The following BCL11A variants were observed in gnomAD, a reference collection of about 807,000 sequenced individuals.
The protein encoded by BCL11A is B cell CLL/lymphoma 11A.
BCL11A carries 2 observed loss-of-function variants against 55.9 expected under a neutral mutation model. That is an observed-to-expected ratio of 0.04 (90% confidence interval 0.01 to 0.11). The LOEUF is 0.11. BCL11A is among the 10% of genes least tolerant of loss of function. BCL11A has a pLI of 1.00. For missense variants in BCL11A, 817 were observed against 1,137.1 expected, an observed-to-expected ratio of 0.72 and a Z score of 4.05; for synonymous variants, 465 against 473.4, an observed-to-expected ratio of 0.98 and a Z score of 0.23.
intron 2 of BCL11A, among the ~76,000 whole-genome samples, chr2:60,509,127 G>C (rs1052277292): frequency 6.6e-6 from 1 of 152,218 alleles, no homozygotes; most frequent in Admixed American, 6.5e-5. Flanking sequence ...GATTCAAGCT[G>C]AGAAACAAGA....
intron 2 of BCL11A, among the ~76,000 whole-genome samples, chr2:60,517,632 T>C (rs1362671042): frequency 6.6e-6 from 1 of 152,262 alleles, no homozygotes; most frequent in Admixed American, 6.5e-5. Context: ...CTCTGGCTCC[T>C]GCTGGCCATG....
At chr2:60,473,550 G>A (rs934373527) in intron 2 of BCL11A, among the ~76,000 whole-genome samples, 3 of 152,130 alleles carry the variant, frequency 2.0e-5, no homozygotes, top group Admixed American at 6.5e-5. Flanking sequence ...TTCTGAATCC[G>A]ATTACTAGGT....
At chr2:60,476,300 T>A (rs1677593654) in intron 2 of BCL11A, among the ~76,000 whole-genome samples, 1 of 152,226 alleles carries the variant, frequency 6.6e-6, no homozygotes. Context: ...AACCTAGGTG[T>A]GTCCTGAGCC....
chr2:60,454,558 A>T (rs189466670), downstream of BCL11A, among the ~76,000 whole-genome samples: 4 of 152,312 alleles, frequency 2.6e-5, no homozygotes, highest in African/African-American at 9.6e-5. Context: ...CACAGTTACA[A>T]CACAGTCATA....
At chr2:60,516,517 AC>A (rs1472681695) in intron 2 of BCL11A, among the ~76,000 whole-genome samples, 1 of 152,174 alleles carries the variant, frequency 6.6e-6, no homozygotes, top group Non-Finnish European at 1.5e-5. Context: ...GGGAGGGGGC[AC>A]CTTAGGAGAC....
In BCL11A at chr2:60,457,627, G is replaced by T; in HGVS notation, c.*2777C>A. 3 of 1,025,294 alleles carry T rather than the reference G, an allele frequency of 2.9e-6. No individual in the cohort carries two copies. The highest frequency in any genetic ancestry group is 3.5e-6 in the Non-Finnish European group (3 of 854,754). 63.5% of individuals were successfully genotyped at this position (1,025,294 alleles called of 1,614,324 possible). On this transcript the variant is annotated 3_prime_UTR_variant, in exon 4 of 4. Coordinates refer to ENST00000642384, the MANE Select transcript of BCL11A (RefSeq NM_022893.4). ...AAATTCTTTCCAATCTAAATATAAA[G>T]CACCATTTAGTTTTTGGCAATGAAA...
In BCL11A at chr2:60,516,092, T is replaced by C. The variant is rs185376092; in HGVS notation, c.385+29879A>G. On this transcript the variant is annotated intron_variant, in intron 2 of 3. Coordinates refer to ENST00000642384, the MANE Select transcript of BCL11A (RefSeq NM_022893.4). ...GGAAGCAGGGATTGAAAATCTAGCCTTGTGGCCATAAGCCTGTGATGACTC... is the reference window on the plus strand; with the variant it reads ...GGAAGCAGGGATTGAAAATCTAGCCCTGTGGCCATAAGCCTGTGATGACTC... Among the ~76,000 whole-genome samples the C allele has an allele frequency of 2.6e-5, 4 of 152,334 alleles. No individual in the cohort carries two copies. The South Asian group carries it at 6.2e-4, about 24-fold the overall frequency.
rs755328592 is a variant in BCL11A, at chr2:60,458,945, G to A, written c.*1459C>T. The A allele has an allele frequency of 4.6e-5, 48 of 1,033,932 alleles. No homozygotes were observed. Among genetic ancestry groups the A allele is most frequent in the Non-Finnish European group, 5.6e-5 (48 of 858,846 alleles). The allele number at this position is 1,033,932 out of a possible 1,614,324, so 64.0% of individuals were successfully genotyped here. On this transcript the variant is annotated 3_prime_UTR_variant, in exon 4 of 4. Coordinates refer to ENST00000642384, the MANE Select transcript of BCL11A (RefSeq NM_022893.4). ...ACACAGTGTATGGAAAAGAAATGAA[G>A]TACAACTTTTAGGGAGCACAGACAT...
rs1676090160 is a variant in BCL11A, at chr2:60,459,068, A to G, written c.*1336T>C. On this transcript the variant is annotated 3_prime_UTR_variant, in exon 4 of 4. Transcript: ENST00000642384. ...TTCATAGTTAATCATCATTGTATCA[A>G]TATTAGCTTATATACCTGTTCTAGT... 3.0e-6 allele frequency: 3 copies of G among 1,012,302 alleles called. No homozygotes were observed. Among genetic ancestry groups the G allele is most frequent in the Non-Finnish European group, 3.6e-6 (3 of 841,924 alleles). 62.7% of individuals were successfully genotyped at this position (1,012,302 alleles called of 1,614,324 possible).
chr2:60,500,698 C>T (rs1679231251), intron 2 of BCL11A, among the ~76,000 whole-genome samples: 1 of 152,144 alleles, frequency 6.6e-6, no homozygotes, highest in African/African-American at 2.4e-5. Context: ...CTGTAGGCAT[C>T]AAACCTGGAA....
intron 2 of BCL11A, among the ~76,000 whole-genome samples, chr2:60,497,082 G>A (rs1435791052): frequency 1.3e-5 from 2 of 152,176 alleles, no homozygotes; most frequent in East Asian, 1.9e-4. Context: ...GGAGTACACC[G>A]CAGACACCTG....
chr2:60,455,242 AACTT>A (rs1675887554), downstream of BCL11A, among the ~76,000 whole-genome samples: 1 of 152,206 alleles, frequency 6.6e-6, no homozygotes, highest in Admixed American at 6.5e-5. Context: ...CTGTTACAAA[AACTT>A]ACTTGAGGAT....
chr2:60,484,568 T>A (rs1358438847), intron 2 of BCL11A: 1 of 152,178 alleles, frequency 6.6e-6, no homozygotes, highest in African/African-American at 2.4e-5. Context: ...CCCTGCCTTT[T>A]AAATAATATT....
chr2:60,524,036 G>A (rs899237280), intron 2 of BCL11A, among the ~76,000 whole-genome samples: 1 of 152,204 alleles, frequency 6.6e-6, no homozygotes, highest in Admixed American at 6.5e-5. Context: ...TATTGTTTGA[G>A]AGACTCCGGA....
chr2:60,550,922 GCGGCCGGGGGAGTT>G (rs1428916686), intron 1 of BCL11A: 37 of 397,916 alleles, frequency 9.3e-5, no homozygotes, highest in Admixed American at 6.2e-4. Flanking sequence ...CGCATCCGGC[GCGGCCGGGGGAGTT>G]GGGGGCGGGG....
chr2:60,491,291 T>C (rs538504356), intron 2 of BCL11A, among the ~76,000 whole-genome samples: 1 of 152,364 alleles, frequency 6.6e-6, no homozygotes. Flanking sequence ...AAAAAGGACC[T>C]CATTTTGATG....
chr2:60,455,304 G>T (rs1675889291), downstream of BCL11A, among the ~76,000 whole-genome samples: 1 of 151,838 alleles, frequency 6.6e-6, no homozygotes, highest in South Asian at 2.1e-4. Flanking sequence ...AAAAAAAAAA[G>T]ATCATGAATT....
At position 60,459,934 on chromosome 2, in the gene BCL11A, T is replaced by C. The variant is rs757415243; in HGVS notation, c.*470A>G. The C allele has an allele frequency of 5.0e-5, 53 of 1,058,428 alleles. No homozygotes were observed. The highest frequency in any genetic ancestry group is 6.6e-5 in the African/African-American group (4 of 60,590). The allele number at this position is 1,058,428 out of a possible 1,614,324, so 65.6% of individuals were successfully genotyped here. A position where few individuals can be genotyped will look rare whatever the true frequency, so the allele number is the denominator to read the frequency against. ...ACAGAATGTATGCAGCATGGTCTTT[T>C]TCTCTCTCTCTCTCTTTTTCTCTCA... On this transcript the variant is annotated 3_prime_UTR_variant, in exon 4 of 4. Coordinates refer to ENST00000642384, the MANE Select transcript of BCL11A (RefSeq NM_022893.4).
chr2:60,529,552 G>C (rs1260669784), intron 2 of BCL11A, among the ~76,000 whole-genome samples: 1 of 152,120 alleles, frequency 6.6e-6, no homozygotes, highest in Non-Finnish European at 1.5e-5. Context: ...TACCAGCTCA[G>C]GTTACAAAGA....
Sources: allele counts gnomAD v4.1 joint callset (sites outside exome capture counted in the v4.1 genomes callset), GRCh38; gene constraint gnomAD v4.1.1; transcripts MANE v1.5; gene names NCBI Gene and HGNC (gene_info 2026-07-23, HGNC 2026-07-21).